The following CTDSPL2 variants were observed in gnomAD, a reference collection of about 807,000 sequenced individuals.
CTDSPL2 encodes the protein CTD small phosphatase like 2, also known as CTD small phosphatase-like protein 2.
In CTDSPL2, 5 loss-of-function variants were observed where a neutral mutation model predicts 60.0. The ratio of observed to expected loss-of-function variants is 0.08; its 90% confidence interval spans 0.04 to 0.18. The LOEUF is 0.18. CTDSPL2 is among the 10% of genes least tolerant of loss of function. The pLI is 1.00. For synonymous variants in CTDSPL2, 186 were observed against 189.3 expected (o/e 0.98, Z 0.14); for missense variants, 370 against 548.8 (o/e 0.67, Z 3.26).
chr15:44,511,619 C>A lies in CTDSPL2; in HGVS notation c.970-2979C>A, dbSNP rs193086340. Among the ~76,000 whole-genome samples, 492 of 152,196 alleles carry A rather than the reference C, an allele frequency of 3.2e-3. 1 individual carries two copies. Among genetic ancestry groups the A allele is most frequent in the African/African-American group, 0.011 (472 of 41,540 alleles). On this transcript the variant is annotated intron_variant, in intron 8 of 12. Transcript: ENST00000260327. ...GGTGTGGTGGCTGATGCCTGTAATA[C>A]CTCCCCTGGGAGGCCGAGGCGGGGA...
intron 4 of CTDSPL2, among the ~76,000 whole-genome samples, chr15:44,489,653 C>T (rs2081183714): frequency 1.3e-5 from 2 of 152,104 alleles, no homozygotes; most frequent in Non-Finnish European, 2.9e-5. Context: ...AGGGCAAGAA[C>T]TTTGAGGATT....
chr15:44,483,194 C>T (rs529678314), intron 2 of CTDSPL2, among the ~76,000 whole-genome samples: 10 of 136,128 alleles, frequency 7.3e-5, no homozygotes, highest in Admixed American at 7.6e-5. Flanking sequence ...AGGAGGCGGG[C>T]GGAGGTTGCT....
chr15:44,463,765 G>A (rs1029246146), intron 2 of CTDSPL2, among the ~76,000 whole-genome samples: 4 of 152,150 alleles, frequency 2.6e-5, no homozygotes, highest in Admixed American at 6.5e-5. Context: ...ATTGCGTTGA[G>A]TGTCTAGACA....
At chr15:44,490,752 A>G in intron 4 of CTDSPL2, 32 bp from the exon 5 acceptor site, 1 of 1,555,556 alleles carries the variant, frequency 6.4e-7, no homozygotes, top group Non-Finnish European at 8.9e-7. Flanking sequence ...TGCATTTTTA[A>G]ATGATGATAG....
chr15:44,500,093 ACAT>A (rs2140832629), intron 8 of CTDSPL2, among the ~76,000 whole-genome samples: 1 of 152,310 alleles, frequency 6.6e-6, no homozygotes, highest in East Asian at 1.9e-4. Context: ...AGGAGCACTG[ACAT>A]CATAGATCCT....
intron 7 of CTDSPL2, among the ~76,000 whole-genome samples, chr15:44,498,009 G>T (rs751673441): frequency 1.2e-4 from 18 of 151,734 alleles, no homozygotes; most frequent in Non-Finnish European, 2.4e-4. Flanking sequence ...AAAAAAAAAT[G>T]ATATTTTAGG....
rs183397704 is a variant in CTDSPL2, at chr15:44,486,508, C to G, written c.326-43C>G. 9 of 1,358,814 alleles carry G rather than the reference C, an allele frequency of 6.6e-6. No individual in the cohort carries two copies. In the Admixed American group the frequency reaches 2.3e-4, roughly 35 times the overall value. The allele number at this position is 1,358,814 out of a possible 1,614,324, so 84.2% of individuals were successfully genotyped here. A position where few individuals can be genotyped will look rare whatever the true frequency, so the allele number is the denominator to read the frequency against. Reference sequence around the variant, plus strand: ...TGATTTATAACACACTTCTGAAATTCAGTGTTTTCTAGATCATGACTTTTT... The same window carrying G: ...TGATTTATAACACACTTCTGAAATTGAGTGTTTTCTAGATCATGACTTTTT... On this transcript the variant is annotated intron_variant, in intron 3 of 12. Coordinates refer to ENST00000260327, the MANE Select transcript of CTDSPL2 (RefSeq NM_016396.3).
At chr15:44,455,055 A>G (rs184329949) in intron 1 of CTDSPL2, among the ~76,000 whole-genome samples, 9 of 152,330 alleles carry the variant, frequency 5.9e-5, no homozygotes, top group Admixed American at 6.5e-5. Flanking sequence ...CTTCCTACCC[A>G]TGAGCATGGA....
chr15:44,438,473 T>C (rs925088050), intron 1 of CTDSPL2, among the ~76,000 whole-genome samples: 2 of 152,090 alleles, frequency 1.3e-5, no homozygotes, highest in Non-Finnish European at 2.9e-5. Flanking sequence ...GGTAAAATCA[T>C]CAGGATTTGA....
At chr15:44,523,958 A>T in intron 12 of CTDSPL2, 151 bp from the exon 13 acceptor site, 1 of 604,820 alleles carries the variant, frequency 1.7e-6, no homozygotes, top group South Asian at 2.2e-5. Context: ...TCTTAAATTT[A>T]ACTGCATCTG....
chr15:44,431,722 T>TG (rs1567054228), intron 1 of CTDSPL2, among the ~76,000 whole-genome samples: 41 of 148,640 alleles, frequency 2.8e-4, no homozygotes, highest in East Asian at 3.9e-4. Flanking sequence ...GTTTGTTTTT[T>TG]TTTTTTTTTT....
At position 44,427,755 on chromosome 15, in the gene CTDSPL2, C is replaced by T. The variant is rs1340044638; in HGVS notation, c.-42C>T. The T allele has an allele frequency of 2.5e-6, 1 of 399,236 alleles. No homozygotes were observed. Among genetic ancestry groups the T allele is most frequent in the African/African-American group, 2.1e-5 (1 of 48,654 alleles). The allele number at this position is 399,236 out of a possible 1,614,324, so 24.7% of individuals were successfully genotyped here. A position where few individuals can be genotyped will look rare whatever the true frequency, so the allele number is the denominator to read the frequency against. ...CCATCGCCGGAGCCTGAGGACACTT[C>T]TCTGTCGTCACAGTTAGGTAATCCC... On this transcript the variant is annotated 5_prime_UTR_variant, in exon 1 of 13. Transcript: ENST00000260327.
chr15:44,465,566 T>C (rs2080668669), intron 2 of CTDSPL2, among the ~76,000 whole-genome samples: 1 of 152,184 alleles, frequency 6.6e-6, no homozygotes, highest in Non-Finnish European at 1.5e-5. Context: ...CTAAAGGTGA[T>C]TGTATTAATT....
At chr15:44,433,044 G>C (rs2079893020) in intron 1 of CTDSPL2, among the ~76,000 whole-genome samples, 1 of 152,030 alleles carries the variant, frequency 6.6e-6, no homozygotes. Context: ...GGCTGGGCTT[G>C]GTGGCTCATG....
intron 5 of CTDSPL2, among the ~76,000 whole-genome samples, chr15:44,495,634 TTTTA>T (rs1430077347): frequency 6.6e-6 from 1 of 151,958 alleles, no homozygotes; most frequent in Non-Finnish European, 1.5e-5. Flanking sequence ...CTCATGAACT[TTTTA>T]AAGACTGTTC....
intron 5 of CTDSPL2, among the ~76,000 whole-genome samples, chr15:44,493,147 A>C (rs2081244436): frequency 6.6e-6 from 1 of 152,144 alleles, no homozygotes; most frequent in African/African-American, 2.4e-5. Context: ...ATCTAATTGA[A>C]GAGCCAAATA....
In CTDSPL2 at chr15:44,514,824, C is replaced by T. The variant is rs757238369; in HGVS notation, c.1092C>T (p.Asp364=). ...CAGACAAGTTACTGAACATACTAGA[C>T]CCTAAAAAGCAACTGGTCAGGTAAA... ...VYADKLLNIL[D]PKKQLVRHRL... is the part of the protein sequence containing the mutation. Residue 364 remains aspartate, a synonymous_variant, in exon 10 of 13, where the codon GAC becomes GAT. Coordinates refer to ENST00000260327, the MANE Select transcript of CTDSPL2 (RefSeq NM_016396.3). 88 of 1,591,596 alleles carry T rather than the reference C, an allele frequency of 5.5e-5. No individual in the cohort carries two copies. The highest frequency in any genetic ancestry group is 1.7e-4 in the Middle Eastern group (1 of 5,798).
intron 1 of CTDSPL2, among the ~76,000 whole-genome samples, chr15:44,437,088 C>G (rs1009589831): frequency 6.6e-6 from 1 of 152,202 alleles, no homozygotes; most frequent in Non-Finnish European, 1.5e-5. Context: ...TGCATTTTGA[C>G]TGACTCGTCA....
intron 2 of CTDSPL2, among the ~76,000 whole-genome samples, chr15:44,462,753 G>C (rs111838071): frequency 0.094 from 13,749 of 146,448 alleles, 1,390 homozygotes; most frequent in African/African-American, 0.23. Context: ...GTTGCCCAGG[G>C]TGGAGTGCAG....
Sources: allele counts gnomAD v4.1 joint callset (sites outside exome capture counted in the v4.1 genomes callset), GRCh38; gene constraint gnomAD v4.1.1; transcripts MANE v1.5; gene names NCBI Gene and HGNC (gene_info 2026-07-23, HGNC 2026-07-21).